Variants in KLHL25 observed in about 807,000 individuals in gnomAD.
KLHL25 encodes the protein kelch-like protein 25.
Under a neutral mutation model 30.0 loss-of-function variants are expected in KLHL25, and 41 were observed. That is an observed-to-expected ratio of 1.37 (90% confidence interval 1.07 to 1.78). The LOEUF (loss-of-function observed/expected upper bound fraction) is 1.78. Ranked by LOEUF, KLHL25 falls within the 40% of genes most tolerant of loss-of-function variation. The pLI is 0.00. For synonymous variants in KLHL25, 399 were observed against 355.3 expected (o/e 1.12, Z -1.38); for missense variants, 971 against 824.5 (o/e 1.18, Z -2.18).
chr15:85,766,297 C>T (rs1313083412), intron 2 of KLHL25, among the ~76,000 whole-genome samples: 2 of 152,162 alleles, frequency 1.3e-5, no homozygotes, highest in Non-Finnish European at 2.9e-5. Context: ...GCAGAGTGCA[C>T]CCAGGGATCT....
chr15:85,766,526 G>A (rs146924923), intron 2 of KLHL25, among the ~76,000 whole-genome samples: 20 of 151,578 alleles, frequency 1.3e-4, no homozygotes, highest in Non-Finnish European at 1.9e-4. Flanking sequence ...TATTTGCTGC[G>A]GGAAGACCCC....
chr15:85,782,613 G>T (rs2089750967), intron 1 of KLHL25, among the ~76,000 whole-genome samples: 1 of 151,308 alleles, frequency 6.6e-6, no homozygotes, highest in South Asian at 2.1e-4. Context: ...TTTTACATTT[G>T]TCGGGTATGT....
rs776582246 is a variant in KLHL25, at chr15:85,769,199, G to A, written c.612C>T (p.Thr204=). The A allele has an allele frequency of 1.9e-5, 31 of 1,613,496 alleles. No individual in the cohort carries two copies. In the East Asian group the frequency reaches 5.8e-4, roughly 30 times the overall value. The change falls in exon 2 of 3, where the codon ACC becomes ACT. Residue 204 remains threonine, a synonymous_variant. Transcript: ENST00000337975. ...CCTCGAAGACCACCCGCTCGTCCTC[G>A]GTCTCCAGCTCATCACTCGAGATGA... ...LDLISSDELE[T]EDERVVFEAI...
chr15:85,769,188 C>T lies in KLHL25; in HGVS notation c.623G>A (p.Arg208Gln), dbSNP rs1310119684. 40 of 1,613,422 alleles carry T rather than the reference C, an allele frequency of 2.5e-5. 1 individual carries two copies. The East Asian group carries it at 8.0e-4, about 32-fold the overall frequency. ...CTGGAGGATGGCCTCGAAGACCACCCGCTCGTCCTCGGTCTCCAGCTCATC... is the reference window on the plus strand; with the variant it reads ...CTGGAGGATGGCCTCGAAGACCACCTGCTCGTCCTCGGTCTCCAGCTCATC... ...SSDELETEDE[R>Q]VVFEAILQWV... Residue 208 changes from arginine (R) to glutamine (Q), a missense_variant, in exon 2 of 3, where the codon CGG becomes CAG. Physicochemically the swap from Arg to Gln is conservative, Grantham distance 43. Transcript: ENST00000337975.
At chr15:85,782,930 G>A (rs2089754105) in intron 1 of KLHL25, among the ~76,000 whole-genome samples, 1 of 152,078 alleles carries the variant, frequency 6.6e-6, no homozygotes, top group African/African-American at 2.4e-5. Context: ...GAATCGATTA[G>A]ATGCTTAATA....
intron 1 of KLHL25, among the ~76,000 whole-genome samples, chr15:85,794,443 G>A (rs1057370087): frequency 4.6e-5 from 7 of 152,224 alleles, no homozygotes; most frequent in African/African-American, 1.7e-4. Context: ...AAGAGTCTGC[G>A]GACTCAATGA....
At chr15:85,771,184 TAAAGTGAATTAAGCCTGA>T (rs1413557766) in intron 1 of KLHL25, 1 of 57,108 alleles carries the variant, frequency 1.8e-5, no homozygotes, top group Non-Finnish European at 4.1e-5. Flanking sequence ...ACAAGAAAAA[TAAAGTGAATTAAGCCTGA>T]AAAAAAAAAA....
At chr15:85,771,302 G>A (rs1466294388) in intron 1 of KLHL25, 1 of 152,010 alleles carries the variant, frequency 6.6e-6, no homozygotes, top group African/African-American at 2.4e-5. Flanking sequence ...CTTCCTGCTG[G>A]TAATGGGGCC....
At position 85,789,022 on chromosome 15, in the gene KLHL25, G is replaced by C. The variant is rs2089799138; in HGVS notation, c.-11+5744C>G. Among the ~76,000 whole-genome samples, 2 of 152,220 alleles carry C rather than the reference G, an allele frequency of 1.3e-5. No individual in the cohort carries two copies. Among genetic ancestry groups the C allele is most frequent in the African/African-American group, 4.8e-5 (2 of 41,460 alleles). Reference sequence around the variant, plus strand: ...TGGCTGGCAGCTTGTCCTGGAGTTTGAATGAGCACAGCTTCTCCTTATCTT... The same window carrying C: ...TGGCTGGCAGCTTGTCCTGGAGTTTCAATGAGCACAGCTTCTCCTTATCTT... On this transcript the variant is annotated intron_variant, in intron 1 of 2. Coordinates refer to ENST00000337975, the MANE Select transcript of KLHL25 (RefSeq NM_022480.4). This position sits in a 1 kb window ranked among gnomAD's most constrained non-coding sequence, Gnocchi z 4.1.
At chr15:85,775,118 C>T (rs775617286) in intron 1 of KLHL25, among the ~76,000 whole-genome samples, 77 of 152,274 alleles carry the variant, frequency 5.1e-4, no homozygotes, top group Admixed American at 9.1e-4. Context: ...CTCAGGTGAT[C>T]TGCCCGTCTT....
At chr15:85,761,729 G>A (rs928818750) in intron 2 of KLHL25, 1 of 152,328 alleles carries the variant, frequency 6.6e-6, no homozygotes, top group African/African-American at 2.4e-5. Flanking sequence ...CTCTCGCACA[G>A]GCGGGCACAG....
chr15:85,768,120 G>C lies in KLHL25; in HGVS notation c.1691C>G (p.Thr564Arg), dbSNP rs2089636836. The C allele has an allele frequency of 6.2e-7, 1 of 1,614,226 alleles. No individual in the cohort carries two copies. The highest frequency in any genetic ancestry group is 8.5e-7 in the Non-Finnish European group (1 of 1,180,038). ...GGGCACTGTGGTGATGCAGTTCCAT[G>C]TATCTGAAGTGGGGTCATAGCAGTC... ...TLDCYDPTSD[T>R]WNCITTVPYS... The change falls in exon 2 of 3, where the codon ACA (threonine) becomes AGA (arginine). Residue 564 changes from threonine to arginine, a missense_variant. Coordinates refer to ENST00000337975, the MANE Select transcript of KLHL25 (RefSeq NM_022480.4).
At position 85,768,820 on chromosome 15, in the gene KLHL25, T is replaced by G. The variant is rs554023435; in HGVS notation, c.991A>C (p.Lys331Gln). Reference sequence around the variant, plus strand: ...CCGATCGCTGAGGCGCTGAACTCCTTCCGGGGGCTGGGCAGGTCGGCCTTG... The same window carrying G: ...CCGATCGCTGAGGCGCTGAACTCCTGCCGGGGGCTGGGCAGGTCGGCCTTG... Reference protein sequence around the residue: ...IPKADLPSPRKEFSASAIGCK... With the variant: ...IPKADLPSPRQEFSASAIGCK... The change falls in exon 2 of 3, where the codon AAG (lysine) becomes CAG (glutamine). Residue 331 changes from lysine to glutamine, a missense_variant. By Grantham distance (53) the Lys-to-Gln change is moderately conservative. Coordinates refer to ENST00000337975, the MANE Select transcript of KLHL25 (RefSeq NM_022480.4). 292 of 1,613,314 alleles carry G rather than the reference T, an allele frequency of 1.8e-4. 3 individuals are homozygous for G. In the South Asian group the frequency reaches 3.1e-3, roughly 17 times the overall value.
At position 85,768,382 on chromosome 15, in the gene KLHL25, C is replaced by A. The variant is rs369625056; in HGVS notation, c.1429G>T (p.Glu477Ter). 4 of 1,613,680 alleles carry A rather than the reference C, an allele frequency of 2.5e-6. No homozygotes were observed. The highest frequency in any genetic ancestry group is 3.4e-6 in the Non-Finnish European group (4 of 1,179,994). Reference sequence around the variant, plus strand: ...GTGTACCGCCAAGGCTGGGGGCACTCGGCCTTGATCGTCCACCTGTTCTCC... The same window carrying A: ...GTGTACCGCCAAGGCTGGGGGCACTAGGCCTTGATCGTCCACCTGTTCTCC... ...PSENRWTIKA[E>*]CPQPWRYTAA... The change falls in exon 2 of 3, where the codon GAG (glutamate) becomes TAG (stop). Residue 477 changes from glutamate to a stop codon, truncating the protein, a stop_gained. Coordinates refer to ENST00000337975, the MANE Select transcript of KLHL25 (RefSeq NM_022480.4). LOFTEE classifies it high-confidence loss of function.
intron 1 of KLHL25, among the ~76,000 whole-genome samples, chr15:85,774,049 C>G (rs923986141): frequency 3.3e-5 from 5 of 152,146 alleles, no homozygotes; most frequent in Non-Finnish European, 7.3e-5. Flanking sequence ...CATACCCAGC[C>G]TCATAGCAGG....
intron 2 of KLHL25, chr15:85,762,561 G>C (rs2089590218): frequency 6.6e-6 from 1 of 152,444 alleles, no homozygotes; most frequent in African/African-American, 2.4e-5. Context: ...AGTGGACAAG[G>C]GTCAGCGGCC....
At chr15:85,784,777 A>G (rs2089769265) in intron 1 of KLHL25, among the ~76,000 whole-genome samples, 1 of 152,224 alleles carries the variant, frequency 6.6e-6, no homozygotes, top group African/African-American at 2.4e-5. Context: ...CAGAGCCTCA[A>G]GAGCCCAGTA....
At position 85,769,608 on chromosome 15, in the gene KLHL25, CTA is replaced by C; in HGVS notation, c.201_202del (p.Ser68ProfsTer4). On this transcript the variant is annotated frameshift_variant, in exon 2 of 3. Coordinates refer to ENST00000337975, the MANE Select transcript of KLHL25 (RefSeq NM_022480.4). LOFTEE classifies it high-confidence loss of function. ...GCTGAACATGGCCTCAAAATAGCGG[CTA>C]GAGGCGGCCAGCACGGCACGGTGAC... 6.2e-7 allele frequency: 1 copy of C among 1,613,414 alleles called. No homozygotes were observed. The highest frequency in any genetic ancestry group is 8.5e-7 in the Non-Finnish European group (1 of 1,180,040).
chr15:85,783,801 G>A (rs1204752495), intron 1 of KLHL25, among the ~76,000 whole-genome samples: 1 of 152,108 alleles, frequency 6.6e-6, no homozygotes, highest in Non-Finnish European at 1.5e-5. Context: ...TGCAGATACC[G>A]ACCTTGGGCA....
Sources: allele counts gnomAD v4.1 joint callset (sites outside exome capture counted in the v4.1 genomes callset), GRCh38; gene constraint gnomAD v4.1.1; non-coding constraint Gnocchi (gnomAD v3.1); transcripts MANE v1.5; gene names NCBI Gene and HGNC (gene_info 2026-07-23, HGNC 2026-07-21).